Variants in LDAH observed in about 807,000 individuals in gnomAD.
LDAH encodes the protein lipid droplet-associated hydrolase.
A neutral mutation model predicts 29.6 loss-of-function variants in LDAH; 26 were observed. The ratio of observed to expected loss-of-function variants is 0.88; its 90% confidence interval spans 0.64 to 1.22. LDAH has a LOEUF of 1.22. Among genes scored for constraint, LDAH ranks in the 50% most tolerant of loss-of-function variants. The pLI is 0.00. For synonymous variants in LDAH, 117 were observed against 133.0 expected (o/e 0.88, Z 0.83); for missense variants, 344 against 387.3 (o/e 0.89, Z 0.94).
intron 6 of LDAH, among the ~76,000 whole-genome samples, chr2:20,691,896 T>G (rs753825373): frequency 6.6e-6 from 1 of 152,230 alleles, no homozygotes. Context: ...GGCTTATAGA[T>G]GAACTTCCCT....
rs1375978437 is a variant in LDAH, at chr2:20,770,550, AAGAG to A, written c.468+4256_468+4259del. 7.9e-5 allele frequency among the ~76,000 whole-genome samples: 12 copies of A among 152,308 alleles called. No individual in the cohort carries two copies. In the East Asian group the frequency reaches 2.3e-3, roughly 29 times the overall value. ...CATTTTTAACATATAGAGGGTTGAT[AAGAG>A]AAAGAAGATTCTAGATAGTGGAGAT... On this transcript the variant is annotated intron_variant, in intron 4 of 6. Transcript: ENST00000237822.
intron 5 of LDAH, among the ~76,000 whole-genome samples, chr2:20,710,600 GTGTGTGTA>G (rs1664649531): frequency 7.7e-6 from 1 of 129,856 alleles, no homozygotes; most frequent in South Asian, 2.6e-4. Context: ...GTGTGTGTGT[GTGTGTGTA>G]TATATATATA....
chr2:20,722,754 T>A (rs1186960937), intron 5 of LDAH, among the ~76,000 whole-genome samples: 2 of 152,152 alleles, frequency 1.3e-5, no homozygotes, highest in East Asian at 3.9e-4. Flanking sequence ...TCTCAAAATA[T>A]TTTTTAGAAA....
chr2:20,783,900 T>A (rs1098155), intron 3 of LDAH, among the ~76,000 whole-genome samples: 57,062 of 151,726 alleles, frequency 0.38, 11,629 homozygotes, highest in South Asian at 0.54. Context: ...TTCTGTAGAG[T>A]TGGAGTTTCA....
intron 3 of LDAH, among the ~76,000 whole-genome samples, chr2:20,784,150 A>G (rs773049024): frequency 1.1e-4 from 17 of 152,212 alleles, no homozygotes; most frequent in African/African-American, 3.6e-4. Flanking sequence ...TCATGCCTGT[A>G]ATCCCAGCAC....
downstream of LDAH, among the ~76,000 whole-genome samples, chr2:20,682,691 G>C (rs1662353497): frequency 6.6e-6 from 1 of 152,274 alleles, no homozygotes; most frequent in South Asian, 2.1e-4. Flanking sequence ...ATTCAGGAAG[G>C]AAGGGCCCTC....
At chr2:20,695,438 A>G (rs980514699) in intron 6 of LDAH, among the ~76,000 whole-genome samples, 2 of 151,716 alleles carry the variant, frequency 1.3e-5, no homozygotes, top group African/African-American at 4.8e-5. Flanking sequence ...TGCTTAGTGC[A>G]TTCCAGACAC....
chr2:20,722,333 T>C (rs1420552384), intron 5 of LDAH, among the ~76,000 whole-genome samples: 1 of 142,720 alleles, frequency 7.0e-6, no homozygotes, highest in Non-Finnish European at 1.5e-5. Flanking sequence ...TGAGCCGAGA[T>C]TGCGCCACTG....
chr2:20,757,073 G>T (rs558267353), intron 4 of LDAH, among the ~76,000 whole-genome samples: 1 of 152,312 alleles, frequency 6.6e-6, no homozygotes, highest in South Asian at 2.1e-4. Flanking sequence ...AGAAAAGTTG[G>T]GAAAGTTTTT....
At chr2:20,795,436 T>C (rs759251675) in intron 2 of LDAH, among the ~76,000 whole-genome samples, 4 of 152,182 alleles carry the variant, frequency 2.6e-5, no homozygotes, top group African/African-American at 4.8e-5. Flanking sequence ...CAGCACTTGA[T>C]ACTTCACATG....
At chr2:20,770,430 G>C (rs1427463969) in intron 4 of LDAH, among the ~76,000 whole-genome samples, 1 of 152,098 alleles carries the variant, frequency 6.6e-6, no homozygotes, top group Non-Finnish European at 1.5e-5. Flanking sequence ...ATTAATTAAA[G>C]TTCACCCCAA....
At chr2:20,750,109 A>G (rs528559055) in intron 4 of LDAH, among the ~76,000 whole-genome samples, 21 of 143,598 alleles carry the variant, frequency 1.5e-4, no homozygotes, top group Non-Finnish European at 1.0e-4. Flanking sequence ...CACTGCAACC[A>G]CCACCTCCTG....
At chr2:20,773,189 C>A (rs531180612) in intron 4 of LDAH, among the ~76,000 whole-genome samples, 1 of 152,126 alleles carries the variant, frequency 6.6e-6, no homozygotes, top group East Asian at 1.9e-4. Flanking sequence ...ATTCTTGATG[C>A]TTTATATAAT....
At chr2:20,763,971 T>A (rs1470971128) in intron 4 of LDAH, among the ~76,000 whole-genome samples, 1 of 152,352 alleles carries the variant, frequency 6.6e-6, no homozygotes, top group East Asian at 1.9e-4. Flanking sequence ...GGTGATTTTT[T>A]TTTTTTTGCA....
chr2:20,771,632 G>A (rs1218066938), intron 4 of LDAH, among the ~76,000 whole-genome samples: 2 of 151,470 alleles, frequency 1.3e-5, no homozygotes, highest in African/African-American at 2.4e-5. Flanking sequence ...GGTGTTTAAT[G>A]GGGGCTGGGG....
intron 4 of LDAH, among the ~76,000 whole-genome samples, chr2:20,752,526 G>A (rs182659593): frequency 1.3e-5 from 2 of 152,264 alleles, no homozygotes; most frequent in African/African-American, 4.8e-5. Flanking sequence ...CAAATGGGTG[G>A]TTTCAAATAA....
At chr2:20,764,882 T>C (rs1449277982) in intron 4 of LDAH, among the ~76,000 whole-genome samples, 1 of 152,226 alleles carries the variant, frequency 6.6e-6, no homozygotes, top group Non-Finnish European at 1.5e-5. Flanking sequence ...GGTCTCATCT[T>C]TAAGATGGGA....
intron 5 of LDAH, 92 bp from the exon 6 acceptor site, chr2:20,701,744 C>T: frequency 8.5e-7 from 1 of 1,171,934 alleles, no homozygotes; most frequent in Non-Finnish European, 1.3e-6. Context: ...TTCCTCCTTT[C>T]TTTTGGCACG....
At chr2:20,703,866 G>T (rs1055840993) in intron 5 of LDAH, among the ~76,000 whole-genome samples, 10 of 152,188 alleles carry the variant, frequency 6.6e-5, no homozygotes, top group Non-Finnish European at 1.5e-5. Context: ...CTTTATGCCA[G>T]GCCTTATTTT....
Sources: gnomAD v4.1 joint callset for allele counts (sites outside exome capture counted in the v4.1 genomes callset) on GRCh38, gnomAD v4.1.1 for gene constraint, MANE v1.5 for transcripts, NCBI Gene and HGNC (gene_info 2026-07-23, HGNC 2026-07-21) for gene names.